COL25A1: variants seen among roughly 807,000 people sequenced by gnomAD.
COL25A1 encodes the protein collagen type XXV alpha 1 chain, also known as collagen alpha-1(XXV) chain.
Under a neutral mutation model 128.4 loss-of-function variants are expected in COL25A1, and 103 were observed. The observed-to-expected ratio is 0.80, with a 90% confidence interval of 0.68 to 0.94. The LOEUF is 0.94. Among genes scored for constraint, COL25A1 ranks in the 40% least tolerant of loss-of-function variants. The pLI, the probability that COL25A1 is intolerant of heterozygous loss-of-function variation, is 0.00. For synonymous variants in COL25A1, 279 were observed against 277.2 expected (o/e 1.01, Z -0.06); for missense variants, 745 against 840.0 (o/e 0.89, Z 1.40).
chr4:109,142,371 T>C (rs532587899), intron 3 of COL25A1, among the ~76,000 whole-genome samples: 7 of 152,334 alleles, frequency 4.6e-5, no homozygotes, highest in South Asian at 2.1e-4. Flanking sequence ...TGCGATGTAG[T>C]GCTGAGAAGA....
At chr4:109,145,966 G>A (rs188098563) in intron 3 of COL25A1, among the ~76,000 whole-genome samples, 13 of 152,274 alleles carry the variant, frequency 8.5e-5, no homozygotes, top group African/African-American at 3.1e-4. Context: ...TAATTAATGT[G>A]TAAGGTAATT....
At chr4:109,247,305 G>A (rs1005458147) in intron 3 of COL25A1, among the ~76,000 whole-genome samples, 3 of 151,854 alleles carry the variant, frequency 2.0e-5, no homozygotes, top group East Asian at 3.9e-4. Context: ...AGCAGAGATC[G>A]AACCACTGCA....
chr4:109,204,070 AT>A (rs1311836589), intron 3 of COL25A1, among the ~76,000 whole-genome samples: 1 of 152,188 alleles, frequency 6.6e-6, no homozygotes, highest in Admixed American at 6.5e-5. Flanking sequence ...CTGCAAGCTT[AT>A]TATTAGAAAT....
chr4:109,013,680 G>A (rs538723097), intron 5 of COL25A1, among the ~76,000 whole-genome samples: 9 of 151,548 alleles, frequency 5.9e-5, no homozygotes, highest in South Asian at 4.2e-4. Context: ...CTCCAGACGC[G>A]CCACCTTAAG....
chr4:109,009,674 G>T (rs1390511887), intron 6 of COL25A1, among the ~76,000 whole-genome samples: 1 of 152,134 alleles, frequency 6.6e-6, no homozygotes, highest in Non-Finnish European at 1.5e-5. Context: ...ATTAATAACT[G>T]CATTTTCTTC....
At chr4:109,017,761 T>C (rs1011853922) in intron 5 of COL25A1, among the ~76,000 whole-genome samples, 1 of 152,168 alleles carries the variant, frequency 6.6e-6, no homozygotes, top group Non-Finnish European at 1.5e-5. Flanking sequence ...AAAACTTCCA[T>C]CTACAAAAAC....
chr4:108,979,086 A>C (rs1371480779), intron 6 of COL25A1, among the ~76,000 whole-genome samples: 1 of 152,168 alleles, frequency 6.6e-6, no homozygotes, highest in Non-Finnish European at 1.5e-5. Context: ...AATGTTATTA[A>C]CTTCCTACAC....
chr4:108,939,343 C>T (rs565740175), intron 10 of COL25A1, among the ~76,000 whole-genome samples: 1 of 152,320 alleles, frequency 6.6e-6, no homozygotes, highest in Non-Finnish European at 1.5e-5. Flanking sequence ...TGAGTGAAAG[C>T]AGTCCTAACA....
At chr4:109,227,459 A>G (rs552778644) in intron 3 of COL25A1, among the ~76,000 whole-genome samples, 1 of 152,166 alleles carries the variant, frequency 6.6e-6, no homozygotes, top group African/African-American at 2.4e-5. Flanking sequence ...ACTTTTCTAT[A>G]ATCTTCTAAA....
intron 12 of COL25A1, among the ~76,000 whole-genome samples, chr4:108,919,982 T>G (rs531325618): frequency 6.6e-6 from 1 of 152,186 alleles, no homozygotes; most frequent in South Asian, 2.1e-4. Context: ...GGCTGGTCTC[T>G]AACTCTTGAC....
At chr4:108,882,037 A>G (rs1740188060) in intron 19 of COL25A1, among the ~76,000 whole-genome samples, 1 of 152,156 alleles carries the variant, frequency 6.6e-6, no homozygotes, top group Non-Finnish European at 1.5e-5. Context: ...TATCAGAGCT[A>G]CCTGACCTCG....
At chr4:109,249,868 A>C in intron 3 of COL25A1, among the ~76,000 whole-genome samples, 1 of 152,202 alleles carries the variant, frequency 6.6e-6, no homozygotes. Context: ...TAAATAATCT[A>C]TATTATTATA....
chr4:108,975,167 CGCTATG>C (rs1752316253), intron 6 of COL25A1, among the ~76,000 whole-genome samples: 1 of 152,164 alleles, frequency 6.6e-6, no homozygotes, highest in Non-Finnish European at 1.5e-5. Context: ...TATAAAAATA[CGCTATG>C]GCCAGGCGCA....
intron 15 of COL25A1, 93 bp downstream of exon 15, chr4:108,899,061 A>G: frequency 8.2e-7 from 1 of 1,216,836 alleles, no homozygotes; most frequent in Non-Finnish European, 1.2e-6. Context: ...CCATCCACCC[A>G]TCCATTCATG....
chr4:109,058,275 C>T (rs940426899), intron 3 of COL25A1, among the ~76,000 whole-genome samples: 1 of 152,030 alleles, frequency 6.6e-6, no homozygotes, highest in South Asian at 2.1e-4. Flanking sequence ...ATCATGACAG[C>T]TTTTTTTATT....
intron 5 of COL25A1, among the ~76,000 whole-genome samples, chr4:109,025,249 A>C (rs1479035954): frequency 1.3e-5 from 2 of 152,188 alleles, no homozygotes; most frequent in Non-Finnish European, 2.9e-5. Flanking sequence ...TATATGAAGT[A>C]CCTCTGAAAA....
intron 35 of COL25A1, among the ~76,000 whole-genome samples, chr4:108,822,043 A>ATTTTTGTTTTTTTTTT (rs1731826256): frequency 1.1e-5 from 1 of 89,964 alleles, no homozygotes; most frequent in Admixed American, 1.4e-4. Context: ...CCTAATGGTA[A>ATTTTTGTTTTTTTTTT]TTTTTTTTTT....
intron 8 of COL25A1, among the ~76,000 whole-genome samples, chr4:108,943,455 T>C (rs1418991612): frequency 4.6e-5 from 7 of 152,182 alleles, no homozygotes; most frequent in Non-Finnish European, 7.3e-5. Flanking sequence ...TCTCCAATCA[T>C]ATGATGAATC....
chr4:108,918,380 C>G (rs1384401392), intron 12 of COL25A1, among the ~76,000 whole-genome samples, 164 bp from the exon 13 acceptor site: 2 of 152,202 alleles, frequency 1.3e-5, no homozygotes, highest in Admixed American at 1.3e-4. Flanking sequence ...GCAGATTCCT[C>G]AAGCTTCCCC....
Sources: gnomAD v4.1 joint callset for allele counts (sites outside exome capture counted in the v4.1 genomes callset) on GRCh38, gnomAD v4.1.1 for gene constraint, MANE v1.5 for transcripts, NCBI Gene and HGNC (gene_info 2026-07-23, HGNC 2026-07-21) for gene names.